The following ADAMTS18 variants were observed in gnomAD, a reference collection of about 807,000 sequenced individuals.
The protein encoded by ADAMTS18 is ADAM metallopeptidase with thrombospondin type 1 motif 18, also known as A disintegrin and metalloproteinase with thrombospondin motifs 18.
ADAMTS18 carries 157 observed loss-of-function variants against 165.9 expected under a neutral mutation model. The observed-to-expected ratio is 0.95, with a 90% CI of 0.83 to 1.08. The LOEUF (loss-of-function observed/expected upper bound fraction) is 1.08, where lower values mean the gene tolerates loss of function less well. ADAMTS18 is among the 50% of genes least tolerant of loss of function. The probability of loss-of-function intolerance (pLI) is 0.00; values close to 1 mark genes in which losing one functional copy is unlikely to be tolerated. For synonymous variants in ADAMTS18, 782 were observed against 578.2 expected (o/e 1.35, Z -5.06); for missense variants, 2,040 against 1,534.0 (o/e 1.33, Z -5.51).
intron 3 of ADAMTS18, among the ~76,000 whole-genome samples, chr16:77,405,638 A>G (rs549767091): frequency 1.3e-5 from 2 of 152,318 alleles, no homozygotes; most frequent in African/African-American, 2.4e-5. Flanking sequence ...ACCATACACC[A>G]TGTGGCTTAT....
At chr16:77,332,585 G>C (rs2056207547) in intron 12 of ADAMTS18, among the ~76,000 whole-genome samples, 1 of 152,120 alleles carries the variant, frequency 6.6e-6, no homozygotes, top group Admixed American at 6.5e-5. Flanking sequence ...GCAGACACAG[G>C]GTTTAGAGTC....
intron 3 of ADAMTS18, among the ~76,000 whole-genome samples, chr16:77,408,877 G>T (rs965299503): frequency 7.9e-5 from 12 of 152,066 alleles, no homozygotes; most frequent in African/African-American, 2.9e-4. Flanking sequence ...GTTACTCAAA[G>T]TCAACCACAG....
intron 3 of ADAMTS18, among the ~76,000 whole-genome samples, chr16:77,389,790 G>T (rs2057161083): frequency 6.6e-6 from 1 of 152,214 alleles, no homozygotes; most frequent in African/African-American, 2.4e-5. Flanking sequence ...ATAGAGACAG[G>T]AGCTCAGTTG....
Position 77,319,849 on chromosome 16 carries a change from T to C in ADAMTS18, c.2532A>G (p.Glu844=), listed in dbSNP as rs373640477. The change falls in exon 16 of 23, where the codon GAA becomes GAG. Residue 844 remains glutamate (E), a splice_region_variant and synonymous_variant. Coordinates refer to ENST00000282849, the MANE Select transcript of ADAMTS18 (RefSeq NM_199355.4). ...AACTGAATACACAGAAGGGGCTTAC[T>C]TCAAAGACCAGCGTCTCATTTGTGG... ...PGPTNETLVF[E]ILMQGKNPGI... The C allele has an allele frequency of 6.2e-7, 1 of 1,614,018 alleles. No individual in the cohort carries two copies. The highest frequency in any genetic ancestry group is 1.3e-5 in the African/African-American group (1 of 74,934).
intron 3 of ADAMTS18, among the ~76,000 whole-genome samples, chr16:77,422,757 T>C (rs1292514551): frequency 5.9e-5 from 9 of 152,188 alleles, no homozygotes; most frequent in Admixed American, 5.9e-4. Context: ...AGTTTTCTAC[T>C]TACTACTGAA....
rs71137817 is a variant in ADAMTS18 at position 77,415,725 on chromosome 16, CA to C, written c.495+15569del. Among the ~76,000 whole-genome samples the C allele has an allele frequency of 3.1e-3, 318 of 101,920 alleles. 1 individual carries two copies. The highest frequency in any genetic ancestry group is 4.9e-3 in the South Asian group (14 of 2,880). The allele number at this position is 101,920 out of a possible 152,430, so 66.9% of individuals were successfully genotyped here. A position where few individuals can be genotyped will look rare whatever the true frequency, so the allele number is the denominator to read the frequency against. On this transcript the variant is annotated intron_variant, in intron 3 of 22. Transcript: ENST00000282849. ...ACTGGAGTAATGAATGCTGGGTAGG[CA>C]AAAAAAAAAAAAAAAATCAGAGGTG...
chr16:77,415,009 T>C (rs748141715), intron 3 of ADAMTS18, among the ~76,000 whole-genome samples: 12 of 151,908 alleles, frequency 7.9e-5, no homozygotes, highest in African/African-American at 1.7e-4. Flanking sequence ...CACAGAGAGG[T>C]GAGTAATAAC....
Position 77,291,379 on chromosome 16 carries a change from G to A in ADAMTS18, c.3289C>T (p.Arg1097Cys), listed in dbSNP as rs142178461. The A allele has an allele frequency of 1.4e-4, 222 of 1,613,902 alleles. No individual in the cohort carries two copies. Among genetic ancestry groups the A allele is most frequent in the African/African-American group, 1.3e-4 (10 of 74,884 alleles). The change falls in exon 21 of 23, where the codon CGT becomes TGT. Residue 1097 changes from arginine to cysteine, a missense_variant. Transcript: ENST00000282849. ...TCCAGATTTGGTTTCTTAATATTAC[G>A]GCATCTTCGCTCTGGGAAAGTTATC... ...KLITFPERRCRNIKKPNLDLE... is the reference protein window; with the variant it reads ...KLITFPERRCCNIKKPNLDLE...
At position 77,434,777 on chromosome 16, in the gene ADAMTS18, C is replaced by T; in HGVS notation, c.-82G>A. On this transcript the variant is annotated 5_prime_UTR_variant, in exon 1 of 23. Transcript: ENST00000282849. ...GGCGGCGCGCATTCTTTCCGCGGCC[C>T]CGGAGCTCGGCGCCCCAGGTGCGGC... The T allele has an allele frequency of 1.6e-6, 2 of 1,214,530 alleles. No homozygotes were observed. The highest frequency in any genetic ancestry group is 1.1e-6 in the Non-Finnish European group (1 of 947,550). The allele number at this position is 1,214,530 out of a possible 1,614,324, so 75.2% of individuals were successfully genotyped here. A position where few individuals can be genotyped will look rare whatever the true frequency, so the allele number is the denominator to read the frequency against.
rs1328242488 is a variant in ADAMTS18 at position 77,300,286 on chromosome 16, T to G, written c.2651A>C (p.Glu884Ala). The G allele has an allele frequency of 6.2e-7, 1 of 1,614,120 alleles. No homozygotes were observed. The highest frequency in any genetic ancestry group is 1.1e-5 in the South Asian group (1 of 91,084). The change falls in exon 17 of 23, where the codon GAG (glutamate) becomes GCG (alanine). Residue 884 changes from glutamate (E) to alanine (A), a missense_variant. Coordinates refer to ENST00000282849, the MANE Select transcript of ADAMTS18 (RefSeq NM_199355.4). ...ACCTCCACCACAGGAGACGGAGCAC[T>G]CTGACTGCACGATACTCCAGGTATA... ...PAYTWSIVQS[E>A]CSVSCGGGYI... is the part of the protein sequence containing the mutation.
At chr16:77,373,188 C>T (rs376043683) in intron 3 of ADAMTS18, among the ~76,000 whole-genome samples, 1 of 152,050 alleles carries the variant, frequency 6.6e-6, no homozygotes. Context: ...TACTCACGAC[C>T]CTATTGAAAA....
At chr16:77,368,260 G>A (rs956740306) in intron 3 of ADAMTS18, among the ~76,000 whole-genome samples, 1 of 152,038 alleles carries the variant, frequency 6.6e-6, no homozygotes, top group African/African-American at 2.4e-5. Flanking sequence ...CAGAGGCAGG[G>A]CTCACAACCA....
At chr16:77,328,458 C>T (rs2056132741) in intron 12 of ADAMTS18, among the ~76,000 whole-genome samples, 1 of 152,176 alleles carries the variant, frequency 6.6e-6, no homozygotes, top group Non-Finnish European at 1.5e-5. Context: ...TCCCATCCTC[C>T]TATAACTGCA....
At chr16:77,362,080 T>C (rs757586900) in intron 7 of ADAMTS18, 25 bp downstream of exon 7, 8 of 1,613,420 alleles carry the variant, frequency 5.0e-6, no homozygotes, top group Non-Finnish European at 5.1e-6. Flanking sequence ...AACAGGTGTG[T>C]GTGAAGGATC....
At chr16:77,409,376 G>T (rs1472003066) in intron 3 of ADAMTS18, among the ~76,000 whole-genome samples, 1 of 152,134 alleles carries the variant, frequency 6.6e-6, no homozygotes. Flanking sequence ...AGACACCGAA[G>T]AAAATAGAGA....
At chr16:77,385,463 G>A (rs940772306) in intron 3 of ADAMTS18, among the ~76,000 whole-genome samples, 2 of 152,080 alleles carry the variant, frequency 1.3e-5, no homozygotes, top group African/African-American at 4.8e-5. Context: ...TCCAATTTTT[G>A]GAATCAGTGA....
intron 12 of ADAMTS18, among the ~76,000 whole-genome samples, chr16:77,329,974 G>C (rs1398422524): frequency 6.6e-6 from 1 of 152,160 alleles, no homozygotes; most frequent in Non-Finnish European, 1.5e-5. Context: ...TTGCTTGGAA[G>C]AGTATTAGAA....
chr16:77,364,283 G>C lies in ADAMTS18; in HGVS notation c.877C>G (p.Leu293Val). 3.7e-6 allele frequency: 6 copies of C among 1,613,944 alleles called. No individual in the cohort carries two copies. Among genetic ancestry groups the C allele is most frequent in the Non-Finnish European group, 5.1e-6 (6 of 1,180,020 alleles). ...GCCACCACGAGGGTTTCCACATTGA[G>C]GCCCTTTTGTGATTTTCCAGCTGAT... Reference protein sequence around the residue: ...RRSAGKSQKGLNVETLVVADK... With the variant: ...RRSAGKSQKGVNVETLVVADK... The change falls in exon 5 of 23, where the codon CTC becomes GTC. Residue 293 changes from leucine (L) to valine (V), a missense_variant. Physicochemically the swap from Leu to Val is conservative, Grantham distance 32 (BLOSUM62 1). Coordinates refer to ENST00000282849, the MANE Select transcript of ADAMTS18 (RefSeq NM_199355.4).
chr16:77,365,596 A>G (rs189579658), intron 4 of ADAMTS18, among the ~76,000 whole-genome samples: 2 of 152,370 alleles, frequency 1.3e-5, no homozygotes, highest in African/African-American at 2.4e-5. Flanking sequence ...GATACTGGCC[A>G]TAGCCATTGA....
Sources: allele counts gnomAD v4.1 joint callset (sites outside exome capture counted in the v4.1 genomes callset), GRCh38; gene constraint gnomAD v4.1.1; transcripts MANE v1.5; gene names NCBI Gene and HGNC (gene_info 2026-07-23, HGNC 2026-07-21).